KAZN: variants seen among roughly 807,000 people sequenced by gnomAD.
KAZN encodes the protein kazrin.
Under a neutral mutation model 87.4 loss-of-function variants are expected in KAZN, and 40 were observed. That is an observed-to-expected ratio of 0.46 (90% confidence interval 0.36 to 0.60). The LOEUF (loss-of-function observed/expected upper bound fraction) is 0.60. Among genes scored for constraint, KAZN ranks in the 20% least tolerant of loss-of-function variants. The pLI is 0.00. For synonymous variants in KAZN, 466 were observed against 458.3 expected (o/e 1.02, Z -0.22); for missense variants, 898 against 1,073.9 (o/e 0.84, Z 2.29).
chr1:14,317,947 A>G (rs564707352), intron 2 of KAZN, among the ~76,000 whole-genome samples: 4 of 152,142 alleles, frequency 2.6e-5, no homozygotes, highest in African/African-American at 9.6e-5. Context: ...TCACAGCCTA[A>G]CTTTAAATTA....
intron 1 of KAZN, among the ~76,000 whole-genome samples, chr1:13,959,051 A>G (rs971020492): frequency 2.6e-5 from 4 of 152,276 alleles, no homozygotes; most frequent in South Asian, 4.1e-4. Context: ...CACTCCCACC[A>G]TCATGAATCT....
intron 1 of KAZN, among the ~76,000 whole-genome samples, chr1:14,722,441 A>G (rs886153403): frequency 1.3e-5 from 2 of 152,222 alleles, no homozygotes; most frequent in African/African-American, 4.8e-5. Flanking sequence ...CCAGAAGAAG[A>G]ACATCATTCA....
At chr1:14,388,339 C>T (rs1307674187) in intron 2 of KAZN, among the ~76,000 whole-genome samples, 2 of 152,130 alleles carry the variant, frequency 1.3e-5, no homozygotes, top group African/African-American at 2.4e-5. Flanking sequence ...TGGCTCTTCC[C>T]CCCTAGAAGA....
rs11811406 is a variant in KAZN, at chr1:14,095,892, G to C, written c.92-84543G>C. On this transcript the variant is annotated intron_variant, in intron 1 of 16. Coordinates refer to the KAZN transcript ENST00000636203. ...CCTAGATTCAGAAGGATGGGACATA[G>C]ACTCCGTCCTGTAATGGCAAGAGCA... Among the ~76,000 whole-genome samples the C allele has an allele frequency of 2.2e-3, 341 of 152,246 alleles. 1 individual carries two copies. Among genetic ancestry groups the C allele is most frequent in the African/African-American group, 7.4e-3 (307 of 41,564 alleles).
chr1:14,682,859 C>T (rs1002007758), intron 1 of KAZN, among the ~76,000 whole-genome samples: 52 of 152,126 alleles, frequency 3.4e-4, no homozygotes, highest in African/African-American at 1.2e-3. Flanking sequence ...AAGAGATGGA[C>T]ACATACAGGA....
chr1:14,347,814 T>A (rs1658217339), intron 2 of KAZN, among the ~76,000 whole-genome samples: 1 of 152,110 alleles, frequency 6.6e-6, no homozygotes, highest in African/African-American at 2.4e-5. Flanking sequence ...TTATGTTCTC[T>A]TTGATTATCT....
intron 2 of KAZN, among the ~76,000 whole-genome samples, chr1:14,337,908 AAAAAG>A (rs933384498): frequency 3.3e-5 from 5 of 151,808 alleles, no homozygotes; most frequent in African/African-American, 1.2e-4. Context: ...AAAAAAAAAA[AAAAAG>A]AGCCTCCTCT....
intron 1 of KAZN, among the ~76,000 whole-genome samples, chr1:14,867,724 A>C (rs866211169): frequency 0.015 from 1,629 of 107,148 alleles, 1 homozygote; most frequent in Middle Eastern, 0.043. Flanking sequence ...CTTTGAAGAC[A>C]CCCCCCCCCC....
At chr1:14,335,530 C>CCT (rs1657193606) in intron 2 of KAZN, among the ~76,000 whole-genome samples, 1 of 151,954 alleles carries the variant, frequency 6.6e-6, no homozygotes, top group African/African-American at 2.4e-5. Context: ...TCTCTTTTGA[C>CCT]CTCTCTCTGG....
At chr1:14,591,143 G>C (rs1460979780) in intron 2 of KAZN, among the ~76,000 whole-genome samples, 1 of 151,068 alleles carries the variant, frequency 6.6e-6, no homozygotes, top group African/African-American at 2.4e-5. Flanking sequence ...CTCAGAAACT[G>C]TTCTGGGTTG....
chr1:14,128,342 G>A (rs1388174613), intron 1 of KAZN, among the ~76,000 whole-genome samples: 2 of 46,586 alleles, frequency 4.3e-5, no homozygotes, highest in Non-Finnish European at 7.3e-5. Context: ...CTAAGAGGGA[G>A]TCATGCTGTG....
chr1:14,850,641 G>A (rs957812529), intron 1 of KAZN, among the ~76,000 whole-genome samples: 13 of 152,120 alleles, frequency 8.5e-5, no homozygotes, highest in African/African-American at 1.4e-4. Flanking sequence ...TTGAGGACGG[G>A]GCCACATCTT....
intron 1 of KAZN, among the ~76,000 whole-genome samples, chr1:14,768,670 C>T (rs7526230): frequency 0.062 from 9,509 of 152,246 alleles, 578 homozygotes; most frequent in African/African-American, 0.15. Context: ...CAGTTTCTTA[C>T]TGAACTGTCA....
At chr1:14,924,418 G>C (rs1319895271) in intron 1 of KAZN, 1 of 988,618 alleles carries the variant, frequency 1.0e-6, no homozygotes, top group African/African-American at 1.8e-5. Context: ...TCGCGGCGCA[G>C]GGCGAGCCGG....
intron 2 of KAZN, among the ~76,000 whole-genome samples, chr1:14,409,284 G>A (rs1203643030): frequency 6.6e-6 from 1 of 152,122 alleles, no homozygotes; most frequent in African/African-American, 2.4e-5. Flanking sequence ...TTTAATGCCT[G>A]GAAAGGTACA....
chr1:14,390,110 CA>C (rs1662290638), intron 2 of KAZN, among the ~76,000 whole-genome samples: 1 of 151,814 alleles, frequency 6.6e-6, no homozygotes, highest in Non-Finnish European at 1.5e-5. Flanking sequence ...TTTCCATTTG[CA>C]AAAACAAAAT....
At chr1:14,410,060 T>G (rs1361693225) in intron 2 of KAZN, among the ~76,000 whole-genome samples, 3 of 152,200 alleles carry the variant, frequency 2.0e-5, no homozygotes, top group African/African-American at 7.2e-5. Flanking sequence ...GCAAAAATCA[T>G]GAGAGATCAG....
chr1:14,327,142 C>T (rs1656492896), intron 2 of KAZN, among the ~76,000 whole-genome samples: 1 of 152,102 alleles, frequency 6.6e-6, no homozygotes, highest in Non-Finnish European at 1.5e-5. Context: ...CAAGGAATTA[C>T]TTATTTAAAA....
chr1:14,555,651 A>T (rs1311237176), intron 2 of KAZN, among the ~76,000 whole-genome samples: 1 of 152,192 alleles, frequency 6.6e-6, no homozygotes, highest in African/African-American at 2.4e-5. Context: ...TTTTAGAGTC[A>T]TTTGCTTTAT....
Sources: allele counts gnomAD v4.1 joint callset (sites outside exome capture counted in the v4.1 genomes callset), GRCh38; gene constraint gnomAD v4.1.1; transcripts MANE v1.5; gene names NCBI Gene and HGNC (gene_info 2026-07-23, HGNC 2026-07-21).